The following HTT variants were observed in gnomAD, a reference collection of about 807,000 sequenced individuals.
HTT encodes huntingtin, also known as huntington disease protein.
HTT carries 104 observed loss-of-function variants against 362.3 expected under a neutral mutation model. The ratio of observed to expected loss-of-function variants is 0.29; its 90% CI spans 0.24 to 0.34. The LOEUF is 0.34. HTT is among the 10% of genes least tolerant of loss of function. HTT has a pLI of 1.00. For synonymous variants in HTT, 1,577 were observed against 1,548.7 expected (o/e 1.02, Z -0.43); for missense variants, 3,301 against 3,928.6 (o/e 0.84, Z 4.27).
At chr4:3,168,844 T>G (rs1334749042) in intron 29 of HTT, among the ~76,000 whole-genome samples, 1 of 152,184 alleles carries the variant, frequency 6.6e-6, no homozygotes, top group Non-Finnish European at 1.5e-5. Flanking sequence ...GCCATTGCAC[T>G]CCAGCATGGG....
At chr4:3,184,948 A>G (rs969964258) in intron 37 of HTT, among the ~76,000 whole-genome samples, 1 of 152,034 alleles carries the variant, frequency 6.6e-6, no homozygotes, top group African/African-American at 2.4e-5. Context: ...ATTTTTTTTA[A>G]GGCATTTTGT....
intron 40 of HTT, among the ~76,000 whole-genome samples, chr4:3,195,059 G>A (rs560755756): frequency 6.6e-6 from 1 of 152,104 alleles, no homozygotes; most frequent in African/African-American, 2.4e-5. Context: ...CTTGCCCATC[G>A]ATCTTTCTCT....
rs563106388 is a variant in HTT, at chr4:3,152,984, A to G, written c.3499-1309A>G. ...ATTTACTGTCTGCATTTCTTCCCTG[A>G]TGCCTTCCAGTCCATGCACCCGATT... On this transcript the variant is annotated intron_variant, in intron 26 of 66. Transcript: ENST00000355072. Among the ~76,000 whole-genome samples, 29 of 152,092 alleles carry G rather than the reference A, an allele frequency of 1.9e-4. No individual in the cohort carries two copies. In the South Asian group the frequency reaches 3.1e-3, roughly 16 times the overall value.
rs543103239 is a variant in HTT at position 3,132,943 on chromosome 4, C to T, written c.2493+32C>T. ...ATAATCTTCTGTGGAACCATTTCTT[C>T]ACTTAGTGGACATTTTATCATTGCT... On this transcript the variant is annotated intron_variant, in intron 18 of 66. Coordinates refer to ENST00000355072, the MANE Select transcript of HTT (RefSeq NM_001388492.1). 4 of 1,427,850 alleles carry T rather than the reference C, an allele frequency of 2.8e-6. No homozygotes were observed. In the South Asian group the frequency reaches 4.6e-5, roughly 16 times the overall value. 88.4% of individuals were successfully genotyped at this position (1,427,850 alleles called of 1,614,324 possible).
At chr4:3,226,775 C>G (rs1429251249) in intron 57 of HTT, among the ~76,000 whole-genome samples, 1 of 152,250 alleles carries the variant, frequency 6.6e-6, no homozygotes, top group Non-Finnish European at 1.5e-5. Context: ...AGCAGAAACC[C>G]TGTGATGTCA....
intron 31 of HTT, among the ~76,000 whole-genome samples, chr4:3,173,497 G>C (rs938790139): frequency 6.6e-6 from 1 of 152,162 alleles, no homozygotes; most frequent in Non-Finnish European, 1.5e-5. Flanking sequence ...CCTGTAGAGT[G>C]GTGTGGCATG....
rs528251981 is a variant in HTT, at chr4:3,218,430, C to T, written c.7242+478C>T. Among the ~76,000 whole-genome samples, 7 of 152,186 alleles carry T rather than the reference C, an allele frequency of 4.6e-5. No individual in the cohort carries two copies. The East Asian group carries it at 9.7e-4, about 21-fold the overall frequency. ...GGCGGATCACTTGAGGTCAGGATTT[C>T]GAGACCAGCCTGGCCAACATGGTGA... On this transcript the variant is annotated intron_variant, in intron 52 of 66. Coordinates refer to ENST00000355072, the MANE Select transcript of HTT (RefSeq NM_001388492.1). The surrounding 1 kb of genome is among the most constrained non-coding windows in gnomAD (Gnocchi z 4.4).
chr4:3,147,350 A>G (rs1403910731), intron 25 of HTT, among the ~76,000 whole-genome samples: 1 of 152,204 alleles, frequency 6.6e-6, no homozygotes, highest in African/African-American at 2.4e-5. Context: ...GAGTGGCCCT[A>G]ATCACTCTCC....
At position 3,235,590 on chromosome 4, in the gene HTT, G is replaced by T; in HGVS notation, c.8597G>T (p.Ser2866Ile). ...ATGTGTGGGGTGATGCTGTCTGGAA[G>T]TGAGGAGTCCACCCCCTCCATCATT... Reference protein sequence around the residue: ...IQMCGVMLSGSEESTPSIIYH... With the variant: ...IQMCGVMLSGIEESTPSIIYH... The change falls in exon 63 of 67, where the codon AGT becomes ATT. Residue 2866 changes from serine to isoleucine, a missense_variant. Ser to Ile is a moderately radical substitution (Grantham distance 142). Coordinates refer to ENST00000355072, the MANE Select transcript of HTT (RefSeq NM_001388492.1). 6.2e-7 allele frequency: 1 copy of T among 1,613,914 alleles called. No individual in the cohort carries two copies. The highest frequency in any genetic ancestry group is 8.5e-7 in the Non-Finnish European group (1 of 1,180,002).
chr4:3,132,484 T>G, intron 16 of HTT, 78 bp from the exon 17 acceptor site: 211 of 1,235,802 alleles, frequency 1.7e-4, no homozygotes, highest in Non-Finnish European at 2.2e-4. Flanking sequence ...TTCTCTTTCC[T>G]GAGAATTAAG....
intron 11 of HTT, among the ~76,000 whole-genome samples, chr4:3,126,473 G>T (rs1460244435): frequency 6.6e-6 from 1 of 152,268 alleles, no homozygotes; most frequent in East Asian, 1.9e-4. Flanking sequence ...CTATCTAAAA[G>T]AATATTTTAG....
At chr4:3,189,926 G>C (rs754679930) in intron 40 of HTT, among the ~76,000 whole-genome samples, 1 of 152,204 alleles carries the variant, frequency 6.6e-6, no homozygotes, top group Non-Finnish European at 1.5e-5. Context: ...TGAGGCTGGA[G>C]GATCGCTTGA....
rs1407425421 is a variant in HTT, at chr4:3,212,602, C to T, written c.6667C>T (p.Arg2223Trp). 7 of 1,614,240 alleles carry T rather than the reference C, an allele frequency of 4.3e-6. No homozygotes were observed. The highest frequency in any genetic ancestry group is 2.2e-5 in the East Asian group (1 of 44,892). Reference protein sequence around the residue: ...ALYQSLPTLARALAQYLVVVS... With the variant: ...ALYQSLPTLAWALAQYLVVVS... Reference sequence around the variant, plus strand: ...GTATCAGTCCCTGCCCACTCTGGCCCGGGCCCTGGCACAGTACCTGGTGGT... The same window carrying T: ...GTATCAGTCCCTGCCCACTCTGGCCTGGGCCCTGGCACAGTACCTGGTGGT... The change falls in exon 49 of 67, where the codon CGG becomes TGG. Residue 2223 changes from arginine to tryptophan, a missense_variant. Around this residue, in one of 4 missense-constraint regions of HTT, gnomAD observed 220 missense variants for 218.5 expected, o/e 1.01. Coordinates refer to ENST00000355072, the MANE Select transcript of HTT (RefSeq NM_001388492.1).
At chr4:3,078,079 G>C (rs1712659936) in intron 1 of HTT, among the ~76,000 whole-genome samples, 1 of 152,252 alleles carries the variant, frequency 6.6e-6, no homozygotes, top group African/African-American at 2.4e-5. Context: ...CATACAGGAT[G>C]CAGGAGTTCC....
chr4:3,101,100 C>T (rs1302516172), intron 3 of HTT, among the ~76,000 whole-genome samples: 1 of 152,166 alleles, frequency 6.6e-6, no homozygotes, highest in Non-Finnish European at 1.5e-5. Context: ...CCCAGGTTGC[C>T]TTGGTTCATG....
chr4:3,123,367 C>G (rs1715377691), intron 10 of HTT: 2 of 157,010 alleles, frequency 1.3e-5, no homozygotes, highest in South Asian at 4.1e-4. Flanking sequence ...CAGAAACAGA[C>G]AGGCTGTAGT....
rs780561163 is a variant in HTT, at chr4:3,178,457, A to T, written c.4612+11A>T. On this transcript the variant is annotated intron_variant, in intron 35 of 66. Transcript: ENST00000355072. ...AGGCTGTGACACATGGTAACGGGAC[A>T]CACCTTTCACTGTCGTCTTCGGTGT... 6 of 1,611,622 alleles carry T rather than the reference A, an allele frequency of 3.7e-6. No individual in the cohort carries two copies. In the East Asian group the frequency reaches 1.3e-4, roughly 36 times the overall value.
intron 28 of HTT, among the ~76,000 whole-genome samples, chr4:3,157,658 C>CT (rs1717215837): frequency 1.3e-5 from 2 of 152,188 alleles, no homozygotes; most frequent in South Asian, 4.1e-4. Flanking sequence ...TGGTGAGCCA[C>CT]TTGTTATCAG....
At chr4:3,081,681 C>T (rs1020564680) in intron 1 of HTT, among the ~76,000 whole-genome samples, 20 of 151,366 alleles carry the variant, frequency 1.3e-4, no homozygotes, top group Non-Finnish European at 1.2e-4. Flanking sequence ...GCACGGCCTC[C>T]CTAGTAGCTG....
Sources: allele counts gnomAD v4.1 joint callset (sites outside exome capture counted in the v4.1 genomes callset), GRCh38; gene constraint gnomAD v4.1.1; regional missense constraint gnomAD v4.1.1; non-coding constraint Gnocchi (gnomAD v3.1); transcripts MANE v1.5; gene names NCBI Gene and HGNC (gene_info 2026-07-23, HGNC 2026-07-21).